PTPN14: variants seen among roughly 807,000 people sequenced by gnomAD.
The protein encoded by PTPN14 is tyrosine-protein phosphatase non-receptor type 14.
PTPN14 carries 53 observed loss-of-function variants against 126.8 expected under a neutral mutation model. The observed-to-expected ratio is 0.42, with a 90% CI of 0.34 to 0.53. PTPN14 has a LOEUF of 0.53. Among genes scored for constraint, PTPN14 ranks in the 20% least tolerant of loss-of-function variants. The pLI, the probability that PTPN14 is intolerant of heterozygous loss-of-function variation, is 0.08. For synonymous variants in PTPN14, 630 were observed against 599.3 expected (o/e 1.05, Z -0.75); for missense variants, 1,257 against 1,552.9 (o/e 0.81, Z 3.20).
intron 1 of PTPN14, among the ~76,000 whole-genome samples, chr1:214,549,331 A>G (rs936474085): frequency 6.6e-6 from 1 of 152,238 alleles, no homozygotes; most frequent in African/African-American, 2.4e-5. Context: ...AGTCTACAAA[A>G]ATGTGCAAGA....
At chr1:214,450,483 A>AG (rs1553267893) in intron 3 of PTPN14, among the ~76,000 whole-genome samples, 8,618 of 151,600 alleles carry the variant, frequency 0.057, 306 homozygotes, top group South Asian at 0.15. Flanking sequence ...AATTAAAAAA[A>AG]AAAAAGAAAA....
chr1:214,526,774 GGAAA>G (rs1655410136), intron 1 of PTPN14, among the ~76,000 whole-genome samples: 2 of 152,126 alleles, frequency 1.3e-5, no homozygotes, highest in South Asian at 4.1e-4. Flanking sequence ...CCAGAGGAGA[GGAAA>G]GAAAGTCATG....
At chr1:214,358,698 C>T (rs898045728) in intron 18 of PTPN14, among the ~76,000 whole-genome samples, 9 of 151,924 alleles carry the variant, frequency 5.9e-5, no homozygotes, top group African/African-American at 2.2e-4. Flanking sequence ...AAACACATAT[C>T]AAGCATTTAG....
At chr1:214,420,407 T>C (rs1659518378) in intron 3 of PTPN14, among the ~76,000 whole-genome samples, 1 of 152,366 alleles carries the variant, frequency 6.6e-6, no homozygotes, top group East Asian at 1.9e-4. Flanking sequence ...AACTTCTTAA[T>C]AAGATTCCTT....
intron 1 of PTPN14, among the ~76,000 whole-genome samples, chr1:214,486,839 A>G (rs1661124028): frequency 6.6e-6 from 1 of 152,200 alleles, no homozygotes; most frequent in African/African-American, 2.4e-5. Flanking sequence ...AAATCAAAAC[A>G]TGCCAAAGTT....
At chr1:214,475,947 AT>A (rs1320641115) in intron 1 of PTPN14, among the ~76,000 whole-genome samples, 1 of 152,202 alleles carries the variant, frequency 6.6e-6, no homozygotes, top group African/African-American at 2.4e-5. Context: ...TGACCTTATG[AT>A]ATAAAAGTAA....
At chr1:214,462,168 G>C (rs1351469297) in intron 2 of PTPN14, among the ~76,000 whole-genome samples, 1 of 152,096 alleles carries the variant, frequency 6.6e-6, no homozygotes, top group Non-Finnish European at 1.5e-5. Flanking sequence ...ATTAGGACGT[G>C]TCAAAATAAA....
In PTPN14 at chr1:214,394,901, T is replaced by C. The variant is rs1329761592; in HGVS notation, c.844A>G (p.Thr282Ala). ...INKEETALFH[T>A]DDIENAKYIS... ...GACTGTTTGTCTGTTGTGCTTACCG[T>C]GTGAAAGAGGGCAGTCTCTTCTTTG... The change falls in exon 9 of 19, where the codon ACG becomes GCG. Residue 282 changes from threonine to alanine, a missense_variant and splice_region_variant. Thr to Ala is a moderately conservative substitution (Grantham distance 58). Transcript: ENST00000366956. 1.2e-6 allele frequency: 2 copies of C among 1,610,912 alleles called. No homozygotes were observed. The highest frequency in any genetic ancestry group is 2.7e-5 in the African/African-American group (2 of 74,846).
intron 3 of PTPN14, among the ~76,000 whole-genome samples, chr1:214,416,878 T>C (rs17022880): frequency 0.095 from 14,501 of 152,276 alleles, 737 homozygotes; most frequent in Middle Eastern, 0.13. Context: ...ATTCTATTTC[T>C]AGAATGCCTG....
At chr1:214,369,214 C>A (rs1209245747) in intron 17 of PTPN14, among the ~76,000 whole-genome samples, 2 of 152,176 alleles carry the variant, frequency 1.3e-5, no homozygotes, top group African/African-American at 4.8e-5. Flanking sequence ...AGGTCTGAAT[C>A]AAGGTAGAGC....
At position 214,384,337 on chromosome 1, in the gene PTPN14, G is replaced by A. The variant is rs1571964072; in HGVS notation, c.1518C>T (p.Tyr506=). The change falls in exon 13 of 19, where the codon TAC becomes TAT. Residue 506 remains tyrosine (Y), a synonymous_variant. Transcript: ENST00000366956. This position sits in a 1 kb window ranked among gnomAD's most constrained non-coding sequence, Gnocchi z 5.3. ...YTVPYGPQGV[Y]SNKLVSPSDQ... is the part of the protein sequence containing the mutation. ...CAGATGGACTGACAAGTTTGTTGCT[G>A]TAGACCCCCTGTGGCCCATAAGGGA... The A allele has an allele frequency of 1.2e-6, 2 of 1,614,142 alleles. No homozygotes were observed. Among genetic ancestry groups the A allele is most frequent in the African/African-American group, 1.3e-5 (1 of 75,030 alleles).
chr1:214,383,265 ATGTGCTTTCACAC>A lies in PTPN14; in HGVS notation c.2544+33_2544+45del, dbSNP rs1658514865. 6.3e-7 allele frequency: 1 copy of A among 1,577,906 alleles called. No individual in the cohort carries two copies. The highest frequency in any genetic ancestry group is 1.2e-5 in the South Asian group (1 of 85,404). On this transcript the variant is annotated intron_variant, in intron 13 of 18. Transcript: ENST00000366956. This position sits in a 1 kb window ranked among gnomAD's most constrained non-coding sequence, Gnocchi z 4.4. ...CTGCCCCTTGCTCAGTGCCTGAAGC[ATGTGCTTTCACAC>A]TGGAAAATGCCCTGGGAGAGGAGGA...
chr1:214,458,261 C>T (rs1014224535), intron 2 of PTPN14, among the ~76,000 whole-genome samples: 8 of 152,100 alleles, frequency 5.3e-5, no homozygotes, highest in Non-Finnish European at 1.2e-4. Flanking sequence ...TGTTCTCAGG[C>T]TGGTCTTGAA....
chr1:214,485,889 C>T (rs917063066), intron 1 of PTPN14, among the ~76,000 whole-genome samples: 3 of 152,114 alleles, frequency 2.0e-5, no homozygotes, highest in Non-Finnish European at 4.4e-5. Context: ...CCACACCCAG[C>T]TAATTTTTTG....
At chr1:214,461,354 T>C (rs558208745) in intron 2 of PTPN14, among the ~76,000 whole-genome samples, 30 of 152,220 alleles carry the variant, frequency 2.0e-4, no homozygotes, top group Non-Finnish European at 3.7e-4. Context: ...CATATTACCC[T>C]GAGCACAGTG....
chr1:214,539,180 C>T (rs1655779507), intron 1 of PTPN14, among the ~76,000 whole-genome samples: 1 of 152,204 alleles, frequency 6.6e-6, no homozygotes, highest in Admixed American at 6.5e-5. Context: ...AACATGTCTT[C>T]TCTATCCAGG....
At chr1:214,386,274 C>G (rs567555789) in intron 12 of PTPN14, among the ~76,000 whole-genome samples, 18 of 152,204 alleles carry the variant, frequency 1.2e-4, no homozygotes, top group Middle Eastern at 3.4e-3. Context: ...ATCATGGAGT[C>G]ATTACTAGCA....
chr1:214,423,345 A>G (rs972070404), intron 3 of PTPN14, among the ~76,000 whole-genome samples: 2 of 152,108 alleles, frequency 1.3e-5, no homozygotes, highest in African/African-American at 4.8e-5. Context: ...CCCCCAAAAA[A>G]GAAAGATAAG....
Position 214,414,642 on chromosome 1 carries a change from G to T in PTPN14, c.429C>A (p.Gly143=). The change falls in exon 4 of 19, where the codon GGC becomes GGA. Residue 143 remains glycine (G), a synonymous_variant. Coordinates refer to ENST00000366956, the MANE Select transcript of PTPN14 (RefSeq NM_005401.5). ...ACTATGTCTTACCTTGCACAGCTAG[G>T]CCGGCTAGCCGAATCACCTGGTCCA... ...CTLDQVIRLA[G]LAVQADFGDY... 6.2e-7 allele frequency: 1 copy of T among 1,613,710 alleles called. No individual in the cohort carries two copies. The highest frequency in any genetic ancestry group is 8.5e-7 in the Non-Finnish European group (1 of 1,179,634).
Sources: allele counts gnomAD v4.1 joint callset (sites outside exome capture counted in the v4.1 genomes callset), GRCh38; gene constraint gnomAD v4.1.1; non-coding constraint Gnocchi (gnomAD v3.1); transcripts MANE v1.5; gene names NCBI Gene and HGNC (gene_info 2026-07-23, HGNC 2026-07-21).